DCLK2: variants seen among roughly 807,000 people sequenced by gnomAD.
DCLK2 encodes serine/threonine-protein kinase DCLK2.
DCLK2 carries 31 observed loss-of-function variants against 78.4 expected under a neutral mutation model. That is an observed-to-expected ratio of 0.40 (90% CI 0.30 to 0.53). The LOEUF (loss-of-function observed/expected upper bound fraction) is 0.53. Ranked by LOEUF, DCLK2 falls within the 20% of genes least tolerant of loss-of-function variation. The pLI is 0.61. For synonymous variants in DCLK2, 407 were observed against 374.9 expected (o/e 1.09, Z -0.99); for missense variants, 872 against 973.7 (o/e 0.90, Z 1.39).
chr4:150,253,028 T>C (rs1238535909), intron 15 of DCLK2, among the ~76,000 whole-genome samples: 1 of 152,150 alleles, frequency 6.6e-6, no homozygotes, highest in Non-Finnish European at 1.5e-5. Context: ...GGACCTGGTC[T>C]GGGGCATGGT....
At chr4:150,145,060 T>C (rs1734372244) in intron 2 of DCLK2, among the ~76,000 whole-genome samples, 1 of 152,250 alleles carries the variant, frequency 6.6e-6, no homozygotes, top group Non-Finnish European at 1.5e-5. Context: ...TGTTTTGTTT[T>C]CTCCCTGTAG....
intron 2 of DCLK2, among the ~76,000 whole-genome samples, chr4:150,185,574 C>T (rs981302526): frequency 2.0e-5 from 3 of 152,010 alleles, no homozygotes; most frequent in East Asian, 3.9e-4. Context: ...ATTAGCCGGA[C>T]GTGGTGGTGG....
chr4:150,090,288 C>A (rs892457342), intron 1 of DCLK2, among the ~76,000 whole-genome samples: 1 of 152,206 alleles, frequency 6.6e-6, no homozygotes, highest in African/African-American at 2.4e-5. Context: ...CGACTGTAAT[C>A]CCAGCTACTC....
At chr4:150,210,328 G>T (rs75673410) in intron 5 of DCLK2, among the ~76,000 whole-genome samples, 2,733 of 152,230 alleles carry the variant, frequency 0.018, 84 homozygotes, top group African/African-American at 0.062. Context: ...AGTTTTACTT[G>T]CAAAAAACTA....
intron 2 of DCLK2, among the ~76,000 whole-genome samples, chr4:150,142,694 C>T (rs1341631342): frequency 6.6e-6 from 1 of 152,134 alleles, no homozygotes; most frequent in Non-Finnish European, 1.5e-5. Flanking sequence ...GGATCCGAGA[C>T]TCTGTTTAAC....
At chr4:150,247,539 A>T (rs1743417588) in intron 12 of DCLK2, 64 bp from the exon 13 acceptor site, 2 of 1,447,702 alleles carry the variant, frequency 1.4e-6, no homozygotes, top group African/African-American at 1.4e-5. Context: ...CTTCCTGTGG[A>T]CATTTTGTTG....
intron 5 of DCLK2, among the ~76,000 whole-genome samples, chr4:150,219,258 CTTTTTTTTT>C (rs375592229): frequency 4.2e-5 from 3 of 72,138 alleles, no homozygotes; most frequent in African/African-American, 1.6e-4. Context: ...CACAAACATT[CTTTTTTTTT>C]TTTTTTTTTT....
intron 5 of DCLK2, among the ~76,000 whole-genome samples, chr4:150,204,277 A>G (rs547302491): frequency 1.3e-5 from 2 of 152,344 alleles, no homozygotes; most frequent in East Asian, 1.9e-4. Flanking sequence ...TATTGCTAAC[A>G]TAATTTGAGT....
intron 2 of DCLK2, among the ~76,000 whole-genome samples, chr4:150,160,138 T>G (rs1735600187): frequency 6.6e-6 from 1 of 152,052 alleles, no homozygotes; most frequent in Non-Finnish European, 1.5e-5. Context: ...TCTCAGCCTC[T>G]TTAAGTAGCT....
chr4:150,120,932 G>A (rs1232624269), intron 2 of DCLK2, among the ~76,000 whole-genome samples: 7 of 152,072 alleles, frequency 4.6e-5, no homozygotes, highest in African/African-American at 7.2e-5. Context: ...TTAGCCAGGC[G>A]TGGTGGCAGG....
chr4:150,229,002 C>T (rs181419319), intron 8 of DCLK2, among the ~76,000 whole-genome samples: 3,344 of 148,842 alleles, frequency 0.022, 124 homozygotes, highest in African/African-American at 0.077. Context: ...GTCCGCAGTC[C>T]GGCCTGGGCA....
chr4:150,232,215 C>A, intron 8 of DCLK2, 122 bp from the exon 9 acceptor site: 1 of 1,268,962 alleles, frequency 7.9e-7, no homozygotes, highest in South Asian at 1.4e-5. Flanking sequence ...GTCTTTGTGC[C>A]AAGAGCAATG....
At chr4:150,199,494 C>T in intron 4 of DCLK2, among the ~76,000 whole-genome samples, 1 of 152,170 alleles carries the variant, frequency 6.6e-6, no homozygotes, top group South Asian at 2.1e-4. Flanking sequence ...TCACTGAAAT[C>T]TTAGAATTAT....
At chr4:150,138,144 A>G (rs1401673393) in intron 2 of DCLK2, among the ~76,000 whole-genome samples, 1 of 152,244 alleles carries the variant, frequency 6.6e-6, no homozygotes, top group Non-Finnish European at 1.5e-5. Flanking sequence ...CTTCAAGGTT[A>G]TAGACTATCA....
intron 2 of DCLK2, among the ~76,000 whole-genome samples, chr4:150,190,652 T>C (rs1738384594): frequency 6.6e-6 from 1 of 152,106 alleles, no homozygotes; most frequent in Non-Finnish European, 1.5e-5. Context: ...AAGGGGTTTA[T>C]GGGGAGTGAC....
At chr4:150,235,832 T>C (rs1209451098) in intron 10 of DCLK2, among the ~76,000 whole-genome samples, 1 of 152,250 alleles carries the variant, frequency 6.6e-6, no homozygotes, top group Non-Finnish European at 1.5e-5. Context: ...TTCAGACATC[T>C]GATTTGCATC....
intron 8 of DCLK2, among the ~76,000 whole-genome samples, chr4:150,230,599 A>G (rs1320912611): frequency 6.6e-6 from 1 of 152,220 alleles, no homozygotes; most frequent in Non-Finnish European, 1.5e-5. Context: ...ACATGTTCAC[A>G]AAAGTGTATC....
At chr4:150,105,137 A>C (rs1731164121) in intron 2 of DCLK2, among the ~76,000 whole-genome samples, 1 of 152,166 alleles carries the variant, frequency 6.6e-6, no homozygotes, top group African/African-American at 2.4e-5. Context: ...ATAGATGTCA[A>C]AATGAAACAA....
chr4:150,178,410 A>C (rs1054248681), intron 2 of DCLK2, among the ~76,000 whole-genome samples: 2 of 152,220 alleles, frequency 1.3e-5, no homozygotes, highest in Non-Finnish European at 2.9e-5. Flanking sequence ...TGTTGCCATA[A>C]ATAATTCAAA....
Sources: allele counts gnomAD v4.1 joint callset (sites outside exome capture counted in the v4.1 genomes callset), GRCh38; gene constraint gnomAD v4.1.1; transcripts MANE v1.5; gene names NCBI Gene and HGNC (gene_info 2026-07-23, HGNC 2026-07-21).